Variants in PKD1L1 observed in about 807,000 individuals in gnomAD.
PKD1L1 encodes the protein polycystin-1-like protein 1.
In PKD1L1, 236 loss-of-function variants were observed where a neutral mutation model predicts 323.4. The ratio of observed to expected loss-of-function variants is 0.73; its 90% confidence interval spans 0.66 to 0.81. The LOEUF (loss-of-function observed/expected upper bound fraction) is 0.81. Among genes scored for constraint, PKD1L1 ranks in the 40% least tolerant of loss-of-function variants. PKD1L1 has a pLI of 0.00. For synonymous variants in PKD1L1, 1,344 were observed against 1,335.0 expected (o/e 1.01, Z -0.15); for missense variants, 3,320 against 3,508.0 (o/e 0.95, Z 1.35).
At chr7:47,788,942 A>G (rs1786877490) in intron 56 of PKD1L1, among the ~76,000 whole-genome samples, 1 of 152,026 alleles carries the variant, frequency 6.6e-6, no homozygotes, top group African/African-American at 2.4e-5. Context: ...CTGATTTAAT[A>G]CTCATATGAT....
At chr7:47,775,816 G>GAAAAAAAAAAAAAAAAAAA in intron 56 of PKD1L1, among the ~76,000 whole-genome samples, 1 of 132,498 alleles carries the variant, frequency 7.5e-6, no homozygotes, top group South Asian at 2.3e-4. Context: ...GTAGATAACA[G>GAAAAAAAAAAAAAAAAAAA]AAAAAAAAAA....
chr7:47,888,791 T>G (rs993088496), intron 16 of PKD1L1, among the ~76,000 whole-genome samples: 1 of 152,024 alleles, frequency 6.6e-6, no homozygotes, highest in Non-Finnish European at 1.5e-5. Context: ...AGCCCTCTAG[T>G]CTCTTTGCTG....
In PKD1L1 at chr7:47,857,286, G is replaced by A. The variant is rs12668946; in HGVS notation, c.4590+319C>T. 0.17 allele frequency among the ~76,000 whole-genome samples: 25,789 copies of A among 152,170 alleles called. 2,612 individuals carry two copies. Among genetic ancestry groups the A allele is most frequent in the East Asian group, 0.22 (1,156 of 5,176 alleles). ...TGGCCAGAATGCTTGCATAATCACT[G>A]CATCACATGCTGCAACCCCCTAGAG... On this transcript the variant is annotated intron_variant, in intron 28 of 56. Transcript: ENST00000289672.
chr7:47,845,062 C>T lies in PKD1L1; in HGVS notation c.5170G>A (p.Ala1724Thr), dbSNP rs748426425. ...AGCTTTCTCCTTAGGAGAGCGAATG[C>T]CGCGAGGCGATGGTAGCTAGGAGGG... ...KVNCSYHRLA[A>T]FALLRRKLKA... The change falls in exon 33 of 57, where the codon GCA (alanine) becomes ACA (threonine). Residue 1724 changes from alanine (A) to threonine (T), a missense_variant. By Grantham distance (58) the Ala-to-Thr change is moderately conservative. Transcript: ENST00000289672. 14 of 1,613,584 alleles carry T rather than the reference C, an allele frequency of 8.7e-6. No individual in the cohort carries two copies. In the South Asian group the frequency reaches 1.1e-4, roughly 13 times the overall value.
At chr7:47,808,205 G>A (rs1206548076) in intron 52 of PKD1L1, 42 bp downstream of exon 52, 9 of 1,608,210 alleles carry the variant, frequency 5.6e-6, no homozygotes, top group African/African-American at 1.3e-5. Flanking sequence ...TGGCATCACA[G>A]TGCATGGCCT....
Position 47,839,382 on chromosome 7 carries a change from G to T in PKD1L1, c.5769+64C>A. On this transcript the variant is annotated intron_variant, in intron 36 of 56. Coordinates refer to ENST00000289672, the MANE Select transcript of PKD1L1 (RefSeq NM_138295.5). The surrounding 1 kb of genome is among the most constrained non-coding windows in gnomAD (Gnocchi z 4.3). ...ACACAACTGTGGCAAGCGAAGCAGA[G>T]ACAGGTGCCATGCTCTGCCGGTCAG... The T allele has an allele frequency of 7.3e-7, 1 of 1,370,268 alleles. No individual in the cohort carries two copies. The highest frequency in any genetic ancestry group is 1.3e-5 in the South Asian group (1 of 76,064). 84.9% of individuals were successfully genotyped at this position (1,370,268 alleles called of 1,614,324 possible).
At chr7:47,784,561 C>T (rs1786765694) in intron 56 of PKD1L1, among the ~76,000 whole-genome samples, 1 of 152,104 alleles carries the variant, frequency 6.6e-6, no homozygotes, top group Non-Finnish European at 1.5e-5. Flanking sequence ...CAACCTCCAT[C>T]TCCCAGGCTC....
At chr7:47,910,247 T>C (rs1562985829) in intron 8 of PKD1L1, among the ~76,000 whole-genome samples, 2 of 152,204 alleles carry the variant, frequency 1.3e-5, no homozygotes, top group Non-Finnish European at 2.9e-5. Context: ...AAAGGCAGTT[T>C]ATATAATAGT....
In PKD1L1 at chr7:47,940,305, T is replaced by C. The variant is rs767492500; in HGVS notation, c.173A>G (p.Asn58Ser). The C allele has an allele frequency of 4.3e-6, 7 of 1,613,688 alleles. No homozygotes were observed. In the Admixed American group the frequency reaches 6.7e-5, roughly 15 times the overall value. The change falls in exon 3 of 57, where the codon AAT (asparagine) becomes AGT (serine). Residue 58 changes from asparagine to serine, a missense_variant. Coordinates refer to ENST00000289672, the MANE Select transcript of PKD1L1 (RefSeq NM_138295.5). ...CCCATCACTCATAAGAAGCACATGA[T>C]TAGCATAGACCTCTAGAGAAAAAAA... ...GGGLWVEVYA[N>S]HVLLMSDGKC...
chr7:47,830,682 G>C (rs1190969276), intron 42 of PKD1L1, among the ~76,000 whole-genome samples: 1 of 152,168 alleles, frequency 6.6e-6, no homozygotes, highest in Non-Finnish European at 1.5e-5. Flanking sequence ...AAAGGGCCTT[G>C]GCTTTGAGGC....
In PKD1L1 at chr7:47,829,558, T is replaced by C; in HGVS notation, c.6602A>G (p.Asp2201Gly). Residue 2201 changes from aspartate to glycine, a missense_variant, in exon 44 of 57, where the codon GAC (aspartate) becomes GGC (glycine). Physicochemically the swap from Asp to Gly is moderately conservative, Grantham distance 94 (BLOSUM62 -1). Coordinates refer to ENST00000289672, the MANE Select transcript of PKD1L1 (RefSeq NM_138295.5). ...ALGFAWKRRA[D>G]NHFFTESLCE... Reference sequence around the variant, plus strand: ...TAAAGACTCAGTAAAAAAGTGGTTGTCAGCTCTTCTTTTCCAAGCAAAACC... The same window carrying C: ...TAAAGACTCAGTAAAAAAGTGGTTGCCAGCTCTTCTTTTCCAAGCAAAACC... 1 of 1,613,230 alleles carries C rather than the reference T, an allele frequency of 6.2e-7. No homozygotes were observed.
intron 56 of PKD1L1, among the ~76,000 whole-genome samples, chr7:47,776,570 AT>A (rs1482411403): frequency 1.3e-5 from 2 of 152,098 alleles, no homozygotes; most frequent in Non-Finnish European, 2.9e-5. Flanking sequence ...TGGCTGAGGA[AT>A]TTTTTTCTTC....
intron 40 of PKD1L1, among the ~76,000 whole-genome samples, chr7:47,833,726 C>A (rs527758469): frequency 2.0e-5 from 3 of 152,198 alleles, no homozygotes; most frequent in Non-Finnish European, 4.4e-5. Flanking sequence ...GCCTGGCAAA[C>A]AGGGCACCAT....
chr7:47,778,935 T>G (rs969949220), intron 56 of PKD1L1, among the ~76,000 whole-genome samples: 1 of 152,220 alleles, frequency 6.6e-6, no homozygotes, highest in African/African-American at 2.4e-5. Flanking sequence ...GGCGATCATA[T>G]CGTTTTTAAA....
chr7:47,804,362 T>C (rs1398210013), intron 52 of PKD1L1, among the ~76,000 whole-genome samples: 1 of 152,236 alleles, frequency 6.6e-6, no homozygotes, highest in Non-Finnish European at 1.5e-5. Flanking sequence ...AGAGTAAATT[T>C]GTTTTATAAT....
intron 30 of PKD1L1, among the ~76,000 whole-genome samples, chr7:47,853,766 C>CAAAAAAAAAAAAAAAAAAAACA (rs58842095): frequency 1.8e-5 from 2 of 108,192 alleles, no homozygotes; most frequent in Non-Finnish European, 1.9e-5. Context: ...ACAAACAAAC[C>CAAAAAAAAAAAAAAAAAAAACA]AAAAAAAAAA....
In PKD1L1 at chr7:47,839,486, C is replaced by T. The variant is rs200090036; in HGVS notation, c.5729G>A (p.Arg1910Gln). The T allele has an allele frequency of 4.2e-5, 67 of 1,612,374 alleles. No individual in the cohort carries two copies. The Middle Eastern group carries it at 1.5e-3, about 36-fold the overall frequency. The change falls in exon 36 of 57, where the codon CGG (arginine) becomes CAG (glutamine). Residue 1910 changes from arginine (R) to glutamine (Q), a missense_variant. Arg to Gln is a conservative substitution (Grantham distance 43). Transcript: ENST00000289672. The surrounding 1 kb of genome is among the most constrained non-coding windows in gnomAD (Gnocchi z 4.3). ...SAGRHDGRVE[R>Q]ELTCLQGGLG... Reference sequence around the variant, plus strand: ...TCCCCCTTGCAGACAGGTGAGCTCCCGCTCCACGCGACCATCATGCCTGCC... The same window carrying T: ...TCCCCCTTGCAGACAGGTGAGCTCCTGCTCCACGCGACCATCATGCCTGCC...
At position 47,839,349 on chromosome 7, in the gene PKD1L1, G is replaced by A. The variant is rs1339037763; in HGVS notation, c.5769+97C>T. 3.2e-6 allele frequency: 3 copies of A among 939,776 alleles called. No homozygotes were observed. Among genetic ancestry groups the A allele is most frequent in the Non-Finnish European group, 4.8e-6 (3 of 622,532 alleles). 58.2% of individuals were successfully genotyped at this position (939,776 alleles called of 1,614,324 possible). ...GAAAAGAGGAATACACTTTAGAAGA[G>A]TTCAAAGACACAACTGTGGCAAGCG... On this transcript the variant is annotated intron_variant, in intron 36 of 56. Transcript: ENST00000289672. The surrounding 1 kb of genome is among the most constrained non-coding windows in gnomAD (Gnocchi z 4.3).
intron 7 of PKD1L1, among the ~76,000 whole-genome samples, chr7:47,917,689 T>C (rs1033541164): frequency 1.3e-5 from 2 of 152,140 alleles, no homozygotes; most frequent in Non-Finnish European, 2.9e-5. Flanking sequence ...AACAAAACAA[T>C]TATCAGACAA....
Sources: allele counts gnomAD v4.1 joint callset (sites outside exome capture counted in the v4.1 genomes callset), GRCh38; gene constraint gnomAD v4.1.1; non-coding constraint Gnocchi (gnomAD v3.1); transcripts MANE v1.5; gene names NCBI Gene and HGNC (gene_info 2026-07-23, HGNC 2026-07-21).